The following NREP variants were observed in gnomAD, a reference collection of about 807,000 sequenced individuals.
NREP encodes the protein neuronal regeneration related protein.
NREP carries 5 observed loss-of-function variants against 8.6 expected under a neutral mutation model. The observed-to-expected ratio is 0.58, with a 90% CI of 0.30 to 1.22. The LOEUF (loss-of-function observed/expected upper bound fraction) is 1.22, where lower values mean the gene tolerates loss of function less well. Ranked by LOEUF, NREP falls within the 50% of genes most tolerant of loss-of-function variation. NREP has a pLI of 0.07. For synonymous variants in NREP, 27 were observed against 28.0 expected (o/e 0.96, Z 0.11); for missense variants, 86 against 82.5 (o/e 1.04, Z -0.17).
At chr5:111,849,389 G>A (rs545219132) in intron 2 of NREP, among the ~76,000 whole-genome samples, 53 of 152,222 alleles carry the variant, frequency 3.5e-4, no homozygotes, top group Non-Finnish European at 6.6e-4. Flanking sequence ...GTAAAGAGAG[G>A]TGAGTCTTCA....
intron 2 of NREP, among the ~76,000 whole-genome samples, chr5:111,798,050 A>G (rs1032716835): frequency 1.3e-5 from 2 of 152,192 alleles, no homozygotes; most frequent in Admixed American, 1.3e-4. Context: ...ACTGGGAATG[A>G]ATTAGATAGT....
exon 1 of NREP, chr5:111,976,912 A>G: frequency 1.8e-6 from 1 of 565,266 alleles, no homozygotes; most frequent in East Asian, 3.2e-5. Context: ...TTCCTTCTAG[A>G]TGCTGGCAAC....
intron 2 of NREP, among the ~76,000 whole-genome samples, chr5:111,886,707 T>C (rs1235789926): frequency 6.7e-6 from 1 of 150,108 alleles, no homozygotes; most frequent in African/African-American, 2.5e-5. Context: ...TCATTCTCAG[T>C]AAACTATCGC....
intron 1 of NREP, among the ~76,000 whole-genome samples, chr5:111,976,020 C>G (rs755590384): frequency 1.3e-5 from 2 of 152,028 alleles, no homozygotes; most frequent in African/African-American, 2.4e-5. Context: ...TAGAGTGAAA[C>G]CTTTTTATAA....
chr5:111,832,937 T>A (rs1752808692), intron 2 of NREP, among the ~76,000 whole-genome samples: 1 of 152,186 alleles, frequency 6.6e-6, no homozygotes, highest in Non-Finnish European at 1.5e-5. Context: ...AGTAGAGCCC[T>A]AACCTGGCTT....
At chr5:111,770,760 G>A (rs1751200957) in intron 2 of NREP, among the ~76,000 whole-genome samples, 1 of 151,736 alleles carries the variant, frequency 6.6e-6, no homozygotes, top group Non-Finnish European at 1.5e-5. Context: ...TGTAGAGACA[G>A]GGTCTCACCG....
At chr5:111,960,576 T>C (rs2112652018) in intron 2 of NREP, among the ~76,000 whole-genome samples, 1 of 152,270 alleles carries the variant, frequency 6.6e-6, no homozygotes, top group Admixed American at 6.5e-5. Context: ...TAATAGTTCA[T>C]GAGTACTGTA....
intron 2 of NREP, among the ~76,000 whole-genome samples, chr5:111,901,821 A>T (rs753976704): frequency 2.0e-5 from 3 of 152,204 alleles, no homozygotes; most frequent in Non-Finnish European, 4.4e-5. Context: ...AAATGAAAAG[A>T]TATCCCATGA....
intron 2 of NREP, among the ~76,000 whole-genome samples, chr5:111,958,873 A>G (rs1756401436): frequency 6.6e-6 from 1 of 152,024 alleles, no homozygotes; most frequent in Admixed American, 6.6e-5. Flanking sequence ...ACCACATAGC[A>G]AGACATCAAA....
chr5:111,824,278 A>G (rs1413827086), intron 2 of NREP, among the ~76,000 whole-genome samples: 1 of 152,232 alleles, frequency 6.6e-6, no homozygotes, highest in African/African-American at 2.4e-5. Flanking sequence ...CTGAGGCAGG[A>G]GAACGGCATG....
rs57775701 is a variant in NREP at position 111,790,347 on chromosome 5, C to CTTTTTTTTT, written c.136-54849_136-54841dup. On this transcript the variant is annotated intron_variant, in intron 2 of 3. Transcript: ENST00000395634. ...TCACCCTATACTTCAAAAACCTTAA[C>CTTTTTTTTT]TTTTTTTTTTTTTTTTTTTTTTTTT... is the stretch of plus-strand genomic sequence containing the variant. Among the ~76,000 whole-genome samples, 129 of 59,634 alleles carry CTTTTTTTTT rather than the reference C, an allele frequency of 2.2e-3. 5 individuals carry two copies. The highest frequency in any genetic ancestry group is 3.2e-3 in the African/African-American group (46 of 14,518). The allele number at this position is 59,634 out of a possible 152,430, so 39.1% of individuals were successfully genotyped here.
intron 2 of NREP, among the ~76,000 whole-genome samples, chr5:111,811,695 A>C (rs1184091770): frequency 5.9e-5 from 9 of 152,214 alleles, no homozygotes. Context: ...TGATATTAGC[A>C]AAACTTTTGT....
intron 2 of NREP, among the ~76,000 whole-genome samples, chr5:111,878,460 G>C (rs113850047): frequency 0.048 from 7,272 of 152,144 alleles, 599 homozygotes; most frequent in African/African-American, 0.17. Context: ...ACTATCCCAA[G>C]AACAGCACGG....
rs140471936 is a variant in NREP, at chr5:111,918,387, C to A, written c.135+56887G>T. ...ATTTTATATGAAACCAGAAAAGCAC[C>A]CGTATAGCCAAGGCAATCCTAGGCA... On this transcript the variant is annotated intron_variant, in intron 2 of 3. Transcript: ENST00000395634. 3.2e-3 allele frequency among the ~76,000 whole-genome samples: 489 copies of A among 152,276 alleles called. 6 individuals carry two copies. Among genetic ancestry groups the A allele is most frequent in the African/African-American group, 0.011 (467 of 41,552 alleles).
chr5:111,755,926 T>C (rs1356038515), intron 1 of NREP, 96 bp from the exon 2 acceptor site: 4 of 1,544,902 alleles, frequency 2.6e-6, no homozygotes, highest in Non-Finnish European at 3.5e-6. Flanking sequence ...ATAACCATTT[T>C]CTGTGGTTAA....
intron 2 of NREP, among the ~76,000 whole-genome samples, chr5:111,883,293 C>A (rs1754139263): frequency 6.6e-6 from 1 of 152,148 alleles, no homozygotes; most frequent in South Asian, 2.1e-4. Context: ...TATATGTGCA[C>A]CCAATACAGG....
chr5:111,743,024 T>C (rs1002214152), intron 2 of NREP, among the ~76,000 whole-genome samples: 2 of 152,174 alleles, frequency 1.3e-5, no homozygotes, highest in African/African-American at 4.8e-5. Flanking sequence ...GCAATTTTTC[T>C]TTTCAGCAAT....
intron 2 of NREP, among the ~76,000 whole-genome samples, chr5:111,969,107 G>T (rs897140767): frequency 3.3e-5 from 5 of 152,204 alleles, no homozygotes; most frequent in Non-Finnish European, 1.5e-5. Context: ...GTAACTAGAT[G>T]ATGATCAAAT....
chr5:111,913,495 T>C (rs1754970195), intron 2 of NREP, among the ~76,000 whole-genome samples: 1 of 152,068 alleles, frequency 6.6e-6, no homozygotes. Flanking sequence ...GTTGAAAAGA[T>C]TCAAAGGATA....
Sources: allele counts gnomAD v4.1 joint callset (sites outside exome capture counted in the v4.1 genomes callset), GRCh38; gene constraint gnomAD v4.1.1; transcripts MANE v1.5; gene names NCBI Gene and HGNC (gene_info 2026-07-23, HGNC 2026-07-21).